The following SLC2A13 variants were observed in gnomAD, a reference collection of about 807,000 sequenced individuals.
SLC2A13 encodes the protein solute carrier family 2 member 13.
Under a neutral mutation model 64.4 loss-of-function variants are expected in SLC2A13, and 32 were observed. The observed-to-expected ratio is 0.50, with a 90% CI of 0.37 to 0.67. SLC2A13 has a LOEUF of 0.67. Among genes scored for constraint, SLC2A13 ranks in the 30% least tolerant of loss-of-function variants. The probability of loss-of-function intolerance (pLI) is 0.00; values close to 1 mark genes in which losing one functional copy is unlikely to be tolerated. For synonymous variants in SLC2A13, 338 were observed against 327.1 expected (o/e 1.03, Z -0.36); for missense variants, 743 against 829.2 (o/e 0.90, Z 1.28).
At chr12:39,771,634 A>G (rs1940581538) in intron 7 of SLC2A13, among the ~76,000 whole-genome samples, 1 of 152,126 alleles carries the variant, frequency 6.6e-6, no homozygotes. Flanking sequence ...TTCCTGACCC[A>G]CAGGAAGTGC....
chr12:39,798,276 C>T (rs536138073), intron 7 of SLC2A13, among the ~76,000 whole-genome samples: 1 of 152,304 alleles, frequency 6.6e-6, no homozygotes, highest in Admixed American at 6.5e-5. Context: ...GAGATACCAC[C>T]ACAGAGCCTC....
At chr12:39,767,130 A>T (rs1940383612) in intron 7 of SLC2A13, among the ~76,000 whole-genome samples, 1 of 152,024 alleles carries the variant, frequency 6.6e-6, no homozygotes, top group South Asian at 2.1e-4. Context: ...GCCTTATGAA[A>T]TGCATTTTTT....
intron 7 of SLC2A13, among the ~76,000 whole-genome samples, chr12:39,828,536 G>C (rs956380526): frequency 6.6e-6 from 1 of 152,090 alleles, no homozygotes; most frequent in African/African-American, 2.4e-5. Flanking sequence ...TGAGGCCTCT[G>C]ACCTCTAACT....
intron 3 of SLC2A13, among the ~76,000 whole-genome samples, chr12:40,002,848 TAA>T (rs34891399): frequency 6.7e-6 from 1 of 148,940 alleles, no homozygotes; most frequent in African/African-American, 2.5e-5. Flanking sequence ...TATATTCCCC[TAA>T]AAAAAAAAAA....
chr12:40,057,996 G>C (rs1948358728), intron 1 of SLC2A13, among the ~76,000 whole-genome samples: 1 of 151,640 alleles, frequency 6.6e-6, no homozygotes, highest in African/African-American at 2.4e-5. Context: ...TTTCCATCTA[G>C]GGCATACAAA....
In SLC2A13 at chr12:39,803,308, A is replaced by T. The variant is rs548542924; in HGVS notation, c.1445+26795T>A. ...ATGAAAATAGACTTATATGACAATT[A>T]TACAAAATGCATGAGGAAACAATCT... On this transcript the variant is annotated intron_variant, in intron 7 of 9. Transcript: ENST00000280871. Among the ~76,000 whole-genome samples the T allele has an allele frequency of 3.3e-5, 5 of 152,250 alleles. No individual in the cohort carries two copies. The South Asian group carries it at 1.0e-3, about 32-fold the overall frequency.
In SLC2A13 at chr12:39,755,781, A is replaced by C. The variant is rs911385409; in HGVS notation, c.*4245T>G. ...TCCATAGACCAAATTACTCAAGTAC[A>C]ACAGACTATATATTTTGTACATATA... is the stretch of plus-strand genomic sequence containing the variant. On this transcript the variant is annotated 3_prime_UTR_variant, in exon 10 of 10. Coordinates refer to ENST00000280871, the MANE Select transcript of SLC2A13 (RefSeq NM_052885.4). The C allele has an allele frequency of 1.3e-4, 20 of 152,122 alleles. No individual in the cohort carries two copies. Among genetic ancestry groups the C allele is most frequent in the African/African-American group, 4.6e-4 (19 of 41,440 alleles). 9.4% of individuals were successfully genotyped at this position (152,122 alleles called of 1,614,324 possible).
At chr12:39,887,657 G>A (rs964233368) in intron 4 of SLC2A13, among the ~76,000 whole-genome samples, 3 of 152,090 alleles carry the variant, frequency 2.0e-5, no homozygotes, top group African/African-American at 7.2e-5. Flanking sequence ...AGTGACCATC[G>A]CTTAGGTTAG....
At chr12:39,853,116 G>T (rs78043331) in intron 6 of SLC2A13, among the ~76,000 whole-genome samples, 2 of 152,090 alleles carry the variant, frequency 1.3e-5, no homozygotes, top group African/African-American at 2.4e-5. Flanking sequence ...CCAAGAACCT[G>T]GACAACTCAT....
chr12:40,011,183 T>G (rs1947525523), intron 3 of SLC2A13, among the ~76,000 whole-genome samples: 2 of 152,138 alleles, frequency 1.3e-5, no homozygotes, highest in Admixed American at 1.3e-4. Flanking sequence ...CAACATCACC[T>G]GTGTTGAGTG....
At chr12:39,911,463 A>T (rs1011529138) in intron 4 of SLC2A13, among the ~76,000 whole-genome samples, 25 of 152,020 alleles carry the variant, frequency 1.6e-4, no homozygotes, top group Admixed American at 6.6e-5. Flanking sequence ...CTCTATGATA[A>T]ACAGATTTAA....
chr12:39,991,070 T>G (rs1947130588), intron 3 of SLC2A13, among the ~76,000 whole-genome samples: 1 of 152,172 alleles, frequency 6.6e-6, no homozygotes, highest in Non-Finnish European at 1.5e-5. Context: ...AAGTTTCCTC[T>G]GATTTGCAGA....
At chr12:39,790,146 C>A (rs1941333151) in intron 7 of SLC2A13, among the ~76,000 whole-genome samples, 1 of 145,292 alleles carries the variant, frequency 6.9e-6, no homozygotes, top group Admixed American at 6.8e-5. Flanking sequence ...TTTTGACAGA[C>A]TAAGGTTAAT....
chr12:40,085,015 G>C (rs1302685881), intron 1 of SLC2A13, among the ~76,000 whole-genome samples: 2 of 152,168 alleles, frequency 1.3e-5, no homozygotes, highest in Non-Finnish European at 2.9e-5. Flanking sequence ...ATTATGCCTA[G>C]GTAATGATAT....
intron 3 of SLC2A13, among the ~76,000 whole-genome samples, chr12:40,020,679 G>C (rs533150050): frequency 8.5e-4 from 128 of 150,796 alleles, no homozygotes; most frequent in Non-Finnish European, 1.4e-3. Context: ...TCCCCTTTGA[G>C]GTGGGAAAAA....
At chr12:39,883,451 C>A (rs1033227774) in intron 4 of SLC2A13, among the ~76,000 whole-genome samples, 1 of 152,162 alleles carries the variant, frequency 6.6e-6, no homozygotes, top group Non-Finnish European at 1.5e-5. Flanking sequence ...TTTCTTCCAT[C>A]ATTGATTGTC....
chr12:40,070,862 C>T (rs936513888), intron 1 of SLC2A13, among the ~76,000 whole-genome samples: 2 of 152,136 alleles, frequency 1.3e-5, no homozygotes, highest in African/African-American at 4.8e-5. Context: ...TTTGTCAAAG[C>T]ACTTCCAAGT....
At chr12:39,994,453 ATG>A (rs1947193841) in intron 3 of SLC2A13, among the ~76,000 whole-genome samples, 1 of 152,030 alleles carries the variant, frequency 6.6e-6, no homozygotes, top group Non-Finnish European at 1.5e-5. Flanking sequence ...GTACATACAT[ATG>A]TGTGTGCATA....
chr12:40,100,858 A>C (rs1196374215), intron 1 of SLC2A13, among the ~76,000 whole-genome samples: 1 of 149,612 alleles, frequency 6.7e-6, no homozygotes, highest in East Asian at 2.0e-4. Context: ...CCAGCTACTC[A>C]GGAGGCTGAG....
Sources: allele counts gnomAD v4.1 joint callset (sites outside exome capture counted in the v4.1 genomes callset), GRCh38; gene constraint gnomAD v4.1.1; transcripts MANE v1.5; gene names NCBI Gene and HGNC (gene_info 2026-07-23, HGNC 2026-07-21).